The following ERC1 variants were observed in gnomAD, a reference collection of about 807,000 sequenced individuals.
ERC1 encodes RAB6 interacting protein 2.
ERC1 carries 56 observed loss-of-function variants against 132.0 expected under a neutral mutation model. That is an observed-to-expected ratio of 0.42 (90% CI 0.34 to 0.53). ERC1 has a LOEUF of 0.53. ERC1 is among the 20% of genes least tolerant of loss of function. The pLI is 0.03. For missense variants in ERC1, 1,202 were observed against 1,349.9 expected (o/e 0.89, Z 1.72); for synonymous variants, 478 against 476.1 (o/e 1.00, Z -0.05).
intron 7 of ERC1, among the ~76,000 whole-genome samples, chr12:1,126,329 A>G (rs1009204455): frequency 2.0e-5 from 3 of 151,596 alleles, no homozygotes; most frequent in East Asian, 3.9e-4. Context: ...AGATATGAAA[A>G]GAACAGGGAG....
intron 3 of ERC1, among the ~76,000 whole-genome samples, chr12:1,096,158 G>A (rs1308565199): frequency 1.3e-5 from 2 of 152,044 alleles, no homozygotes; most frequent in African/African-American, 2.4e-5. Context: ...GAACTACTGA[G>A]CTCAAGTGAT....
At chr12:1,040,370 G>A (rs1969990947) in intron 2 of ERC1, among the ~76,000 whole-genome samples, 1 of 141,534 alleles carries the variant, frequency 7.1e-6, no homozygotes, top group Admixed American at 7.6e-5. Context: ...CAACCAGGCT[G>A]GAGTGCAGTG....
chr12:1,345,851 T>C (rs780161313), intron 15 of ERC1, among the ~76,000 whole-genome samples: 2 of 152,242 alleles, frequency 1.3e-5, no homozygotes, highest in Admixed American at 6.5e-5. Flanking sequence ...CAGGAAAGAC[T>C]GATGCTGAAT....
At chr12:1,441,853 T>A (rs190329711) in intron 17 of ERC1, among the ~76,000 whole-genome samples, 27 of 152,290 alleles carry the variant, frequency 1.8e-4, no homozygotes, top group African/African-American at 6.0e-4. Flanking sequence ...AGAGTGTGCT[T>A]GCATTTAAAG....
Position 1,263,185 on chromosome 12 carries a change from TC to T in ERC1, c.2619+22del, listed in dbSNP as rs767927048. ...AAACAGGTCTGCTATTTTATACAGT[TC>T]CAAGCAATGCTGCTGGTTAACCAAA... On this transcript the variant is annotated intron_variant, in intron 14 of 18. Transcript: ENST00000360905. 1.9e-6 allele frequency: 3 copies of T among 1,612,646 alleles called. No homozygotes were observed. The African/African-American group carries it at 4.0e-5, about 22-fold the overall frequency.
intron 16 of ERC1, among the ~76,000 whole-genome samples, chr12:1,374,580 T>C (rs74057191): frequency 0.018 from 2,737 of 152,296 alleles, 87 homozygotes; most frequent in African/African-American, 0.063. Context: ...CCACTGTGAT[T>C]GTCAGGCCCC....
In ERC1 at chr12:1,252,074, A is replaced by G. The variant is rs540088644; in HGVS notation, c.2488-10960A>G. 6.0e-4 allele frequency among the ~76,000 whole-genome samples: 92 copies of G among 152,310 alleles called. 1 individual carries two copies. Among genetic ancestry groups the G allele is most frequent in the African/African-American group, 2.1e-3 (88 of 41,570 alleles). On this transcript the variant is annotated intron_variant, in intron 13 of 18. Transcript: ENST00000360905. The stretch of plus-strand genomic sequence containing the variant: ...TTTTGATACAAGCATGTAATGTGTA[A>G]TGATCAGATCTGGGTAATTAGGGTA...
In ERC1 at chr12:1,158,714, A is replaced by G. The variant is rs913542617; in HGVS notation, c.1737+16927A>G. Among the ~76,000 whole-genome samples the G allele has an allele frequency of 4.6e-5, 7 of 151,392 alleles. No individual in the cohort carries two copies. The East Asian group carries it at 1.2e-3, about 25-fold the overall frequency. On this transcript the variant is annotated intron_variant, in intron 8 of 18. Coordinates refer to ENST00000360905, the MANE Select transcript of ERC1 (RefSeq NM_178040.4). ...GTGATTTGCCTGCCTTGGCCTCCCA[A>G]TGTCCTGGGATTACAGGTGTGAGCC...
chr12:1,420,923 G>A (rs989072479), intron 17 of ERC1, among the ~76,000 whole-genome samples: 3 of 143,260 alleles, frequency 2.1e-5, no homozygotes, highest in Admixed American at 1.4e-4. Flanking sequence ...TTGGTTTGGG[G>A]GGGGGGGGGG....
rs146087315 is a variant in ERC1, at chr12:1,237,886, G to A, written c.2487+982G>A. On this transcript the variant is annotated intron_variant, in intron 13 of 18. Coordinates refer to ENST00000360905, the MANE Select transcript of ERC1 (RefSeq NM_178040.4). The stretch of plus-strand genomic sequence containing the variant: ...TTGGGTCTGATACTGTGTATATGCC[G>A]CAATTACAATCTTTACTGGAGAGAT... Among the ~76,000 whole-genome samples the A allele has an allele frequency of 7.7e-4, 117 of 152,256 alleles. No homozygotes were observed. In the East Asian group the frequency reaches 0.014, roughly 19 times the overall value.
intron 1 of ERC1, among the ~76,000 whole-genome samples, chr12:1,022,310 G>A (rs913387861): frequency 1.1e-4 from 16 of 152,174 alleles, no homozygotes; most frequent in Non-Finnish European, 2.2e-4. Context: ...ATCTCTTGTT[G>A]CATTACAATT....
At chr12:1,456,641 A>G (rs1272051403) in intron 18 of ERC1, among the ~76,000 whole-genome samples, 1 of 152,048 alleles carries the variant, frequency 6.6e-6, no homozygotes, top group African/African-American at 2.4e-5. Context: ...TTTGAATTAT[A>G]TAAAATTGGA....
At chr12:1,422,826 A>G (rs185533533) in intron 17 of ERC1, among the ~76,000 whole-genome samples, 41 of 152,300 alleles carry the variant, frequency 2.7e-4, no homozygotes, top group African/African-American at 9.9e-4. Flanking sequence ...ACTGTGTAAG[A>G]GTTCCCTTTT....
chr12:1,296,056 A>G (rs1478659088), intron 15 of ERC1, among the ~76,000 whole-genome samples: 1 of 152,082 alleles, frequency 6.6e-6, no homozygotes, highest in African/African-American at 2.4e-5. Context: ...ACATTAAAGA[A>G]TTAAAGAAAA....
chr12:1,315,347 T>A (rs990825185), intron 15 of ERC1, among the ~76,000 whole-genome samples: 10 of 151,864 alleles, frequency 6.6e-5, no homozygotes, highest in African/African-American at 2.4e-4. Context: ...AGTTTTTTTG[T>A]TTTGTTTTGT....
At chr12:1,236,168 A>T (rs1404982547) in intron 12 of ERC1, among the ~76,000 whole-genome samples, 2 of 152,158 alleles carry the variant, frequency 1.3e-5, no homozygotes, top group Admixed American at 1.3e-4. Flanking sequence ...AAGCAAAGGG[A>T]TTTTAAACAT....
intron 15 of ERC1, among the ~76,000 whole-genome samples, chr12:1,290,644 A>G (rs1000544681): frequency 2.0e-5 from 3 of 152,186 alleles, no homozygotes; most frequent in Non-Finnish European, 4.4e-5. Flanking sequence ...TTTAAAACAA[A>G]CATGTGTCTT....
Position 1,100,764 on chromosome 12 carries a change from T to TA in ERC1, c.1087-3985dup, listed in dbSNP as rs144985707. Among the ~76,000 whole-genome samples the TA allele has an allele frequency of 9.2e-3, 1,400 of 152,264 alleles. 19 individuals carry two copies. The highest frequency in any genetic ancestry group is 0.031 in the African/African-American group (1,271 of 41,534). The stretch of plus-strand genomic sequence containing the variant: ...TGTTAACAGTGGGGCAGATATTTGA[T>TA]ACTCCAGGAAAGTAAAGGTACATAC... On this transcript the variant is annotated intron_variant, in intron 3 of 18. Coordinates refer to ENST00000360905, the MANE Select transcript of ERC1 (RefSeq NM_178040.4).
intron 16 of ERC1, among the ~76,000 whole-genome samples, chr12:1,377,346 C>G (rs918649051): frequency 3.3e-5 from 5 of 152,182 alleles, no homozygotes; most frequent in Non-Finnish European, 2.9e-5. Flanking sequence ...GAAAACCAGC[C>G]TATGCTTTGA....
Sources: gnomAD v4.1 joint callset for allele counts (sites outside exome capture counted in the v4.1 genomes callset) on GRCh38, gnomAD v4.1.1 for gene constraint, MANE v1.5 for transcripts, NCBI Gene and HGNC (gene_info 2026-07-23, HGNC 2026-07-21) for gene names.